Variants in SLC12A7 observed in about 807,000 individuals in gnomAD.
SLC12A7 encodes solute carrier family 12 member 7, also known as K-Cl cotransporter 4.
A neutral mutation model predicts 120.6 loss-of-function variants in SLC12A7; 100 were observed. The observed-to-expected ratio is 0.83, with a 90% CI of 0.71 to 0.98. The LOEUF is 0.98. SLC12A7 is among the 50% of genes least tolerant of loss of function. The probability of loss-of-function intolerance (pLI) is 0.00; values close to 1 mark genes in which losing one functional copy is unlikely to be tolerated. For missense variants in SLC12A7, 1,373 were observed against 1,548.1 expected, an observed-to-expected ratio of 0.89 and a Z score of 1.90; for synonymous variants, 760 against 678.0, an observed-to-expected ratio of 1.12 and a Z score of -1.88.
At chr5:1,105,683 AG>A (rs561191454) in intron 1 of SLC12A7, among the ~76,000 whole-genome samples, 111 of 152,354 alleles carry the variant, frequency 7.3e-4, no homozygotes, top group Non-Finnish European at 1.3e-3. Context: ...CATAAAGGAA[AG>A]GTATTAACCC....
Position 1,077,889 on chromosome 5 carries a change from C to G in SLC12A7, c.1573G>C (p.Gly525Arg). The change falls in exon 12 of 24, where the codon GGG (glycine) becomes CGG (arginine). Residue 525 changes from glycine to arginine, a missense_variant. Coordinates refer to ENST00000264930, the MANE Select transcript of SLC12A7 (RefSeq NM_006598.3). ...ATGGCCTGCAGTAGGCGCGGTGCCC[C>G]CGTGAGGCTCTGCAGGCCGGCACCG... ...TCGAGLQSLT[G>R]APRLLQAIAR... The G allele has an allele frequency of 6.3e-7, 1 of 1,598,696 alleles. No individual in the cohort carries two copies. Among genetic ancestry groups the G allele is most frequent in the Middle Eastern group, 1.7e-4 (1 of 6,034 alleles).
At chr5:1,075,960 A>C (rs2150832475) in intron 14 of SLC12A7, 178 bp downstream of exon 14, 1 of 591,580 alleles carries the variant, frequency 1.7e-6, no homozygotes, top group East Asian at 2.8e-5. Context: ...CTTACTCCGC[A>C]AAGGAACAGT....
rs1387524457 is a variant in SLC12A7, at chr5:1,083,829, T to C, written c.1045A>G (p.Ser349Gly). ...ATGAAGTACTCGTCACAGGCGGCGC[T>C]GGGCTGGGAGCCGTTGCAGAAGAGG... is the stretch of plus-strand genomic sequence containing the variant. ...WGLFCNGSQP[S>G]AACDEYFIQN... Residue 349 changes from serine (S) to glycine (G), a missense_variant, in exon 8 of 24, where the codon AGC becomes GGC. By Grantham distance (56) the Ser-to-Gly change is moderately conservative. Transcript: ENST00000264930. 3 of 1,609,388 alleles carry C rather than the reference T, an allele frequency of 1.9e-6. No individual in the cohort carries two copies. Among genetic ancestry groups the C allele is most frequent in the South Asian group, 1.1e-5 (1 of 90,768 alleles).
chr5:1,078,104 T>C, intron 11 of SLC12A7, 97 bp from the exon 12 acceptor site: 2 of 1,381,952 alleles, frequency 1.4e-6, no homozygotes, highest in East Asian at 2.6e-5. Context: ...CCCAGTGCAG[T>C]GGGGGCGACT....
intron 1 of SLC12A7, among the ~76,000 whole-genome samples, chr5:1,096,774 AGGGGGGGAGGGAGGGAAGGAAGG>A (rs1741237498): frequency 1.5e-3 from 10 of 6,784 alleles, no homozygotes; most frequent in African/African-American, 4.7e-3. Context: ...GAAAGGAGGG[AGGGGGGGAGGGAGGGAAGGAAGG>A]AGGGAGGGAA....
upstream of SLC12A7, among the ~76,000 whole-genome samples, chr5:1,114,511 T>A (rs1211530740): frequency 2.0e-5 from 3 of 152,106 alleles, no homozygotes; most frequent in African/African-American, 7.2e-5. Flanking sequence ...TCCACGTATA[T>A]CCTCCCACAC....
chr5:1,099,905 C>CG lies in SLC12A7; in HGVS notation c.125-5658dup, dbSNP rs373350653. On this transcript the variant is annotated intron_variant, in intron 1 of 23. Transcript: ENST00000264930. ...GGGGCAGGAGTGCGCAGGGGAATTC[C>CG]GGGGTCCCCCAGGCCTGGCCCGCCC... Among the ~76,000 whole-genome samples, 403 of 151,020 alleles carry CG rather than the reference C, an allele frequency of 2.7e-3. 3 individuals are homozygous for CG. The highest frequency in any genetic ancestry group is 9.3e-3 in the African/African-American group (385 of 41,266).
intron 22 of SLC12A7, among the ~76,000 whole-genome samples, chr5:1,054,829 G>C (rs2150775087): frequency 6.6e-6 from 1 of 152,338 alleles, no homozygotes; most frequent in African/African-American, 2.4e-5. Flanking sequence ...TCTCCAGCCT[G>C]GTCTAATTAC....
intron 17 of SLC12A7, among the ~76,000 whole-genome samples, chr5:1,073,406 C>G (rs1416181886): frequency 6.6e-6 from 1 of 152,232 alleles, no homozygotes; most frequent in Non-Finnish European, 1.5e-5. Context: ...CCAGGGTTCG[C>G]CCTTGGAAAG....
chr5:1,095,772 G>C (rs1741071080), intron 1 of SLC12A7, among the ~76,000 whole-genome samples: 1 of 152,244 alleles, frequency 6.6e-6, no homozygotes, highest in Non-Finnish European at 1.5e-5. Context: ...CCGCAGGAGT[G>C]GTGGGTTCCA....
the SLC12A7 span, among the ~76,000 whole-genome samples, chr5:1,141,515 CT>C: frequency 1.3e-5 from 2 of 152,264 alleles, no homozygotes; most frequent in Non-Finnish European, 2.9e-5. Flanking sequence ...GTGCTCTCCC[CT>C]GGCTTGTTTT....
Position 1,093,529 on chromosome 5 carries a change from G to GT in SLC12A7, c.342+3dup, listed in dbSNP as rs1282912755. 6.3e-7 allele frequency: 1 copy of GT among 1,588,592 alleles called. No individual in the cohort carries two copies. Among genetic ancestry groups the GT allele is most frequent in the Admixed American group, 1.8e-5 (1 of 56,558 alleles). On this transcript the variant is annotated splice_donor_region_variant and intron_variant, in intron 3 of 23. Transcript: ENST00000264930. ...CTGGGCGGGCACGGGCAGGGTGGCA[G>GT]TACCTTGGCCTCCCGCCGCCGGCTC...
chr5:1,120,126 C>T, the SLC12A7 span, among the ~76,000 whole-genome samples: 1 of 152,276 alleles, frequency 6.6e-6, no homozygotes. Flanking sequence ...CCAGAGAGCA[C>T]AGATTGACAC....
At chr5:1,137,346 CAAAG>C in the SLC12A7 span, among the ~76,000 whole-genome samples, 4 of 152,168 alleles carry the variant, frequency 2.6e-5, no homozygotes, top group African/African-American at 9.7e-5. Context: ...CCACGAATGA[CAAAG>C]AACCTTGGCC....
chr5:1,065,440 G>A lies in SLC12A7; in HGVS notation c.2280C>T (p.Gly760=), dbSNP rs1183317318. ...RSLMSTEKTK[G]FCQLVVSSSL... ...TGGACGAGACCACCAGCTGGCAGAAGCCCTTGGTCTTCTCTGTGCTCATTA... is the reference window on the plus strand; with the variant it reads ...TGGACGAGACCACCAGCTGGCAGAAACCCTTGGTCTTCTCTGTGCTCATTA... The change falls in exon 18 of 24, where the codon GGC becomes GGT. Residue 760 remains glycine, a synonymous_variant. Coordinates refer to ENST00000264930, the MANE Select transcript of SLC12A7 (RefSeq NM_006598.3). 3.7e-6 allele frequency: 6 copies of A among 1,610,654 alleles called. No homozygotes were observed. The highest frequency in any genetic ancestry group is 5.1e-6 in the Non-Finnish European group (6 of 1,178,588).
the SLC12A7 span, among the ~76,000 whole-genome samples, chr5:1,151,829 T>A: frequency 1.3e-5 from 2 of 152,136 alleles, no homozygotes; most frequent in African/African-American, 2.4e-5. The surrounding 1 kb of genome is among the most constrained non-coding windows in gnomAD (Gnocchi z 6.2). Context: ...ACGGCTCTCC[T>A]TGCAGGCTGG....
chr5:1,085,236 TG>T lies in SLC12A7; in HGVS notation c.912del (p.Asp304GlufsTer128). On this transcript the variant is annotated frameshift_variant, in exon 7 of 24. Transcript: ENST00000264930. LOFTEE classifies it high-confidence loss of function. ...CTCAGAGGCCCCGAGACTCACGGGATGTCCGGGGGGTCGAAGGCAGACTTGA... is the reference window on the plus strand; with the variant it reads ...CTCAGAGGCCCCGAGACTCACGGGATTCCGGGGGGTCGAAGGCAGACTTGA... ...GVIKSAFDPP[D>X]IPVCLLGNRT... 2 of 1,611,980 alleles carry T rather than the reference TG, an allele frequency of 1.2e-6. No homozygotes were observed. Among genetic ancestry groups the T allele is most frequent in the Non-Finnish European group, 1.7e-6 (2 of 1,179,656 alleles).
the SLC12A7 span, among the ~76,000 whole-genome samples, chr5:1,143,577 C>T: frequency 1.2e-3 from 190 of 152,322 alleles, no homozygotes; most frequent in African/African-American, 4.4e-3. Flanking sequence ...CCCGTTGGGG[C>T]TGGGCCTCAG....
intron 17 of SLC12A7, among the ~76,000 whole-genome samples, chr5:1,067,644 T>C (rs1737196459): frequency 6.6e-6 from 1 of 152,234 alleles, no homozygotes; most frequent in Non-Finnish European, 1.5e-5. Context: ...CATGACTGGC[T>C]GCTGTGCTCA....
Sources: allele counts gnomAD v4.1 joint callset (sites outside exome capture counted in the v4.1 genomes callset), GRCh38; gene constraint gnomAD v4.1.1; non-coding constraint Gnocchi (gnomAD v3.1); transcripts MANE v1.5; gene names NCBI Gene and HGNC (gene_info 2026-07-23, HGNC 2026-07-21).